Variants in NUP35 observed in about 807,000 individuals in gnomAD.
NUP35 encodes nucleoporin NUP35.
Under a neutral mutation model 41.5 loss-of-function variants are expected in NUP35, and 25 were observed. That is an observed-to-expected ratio of 0.60 (90% CI 0.44 to 0.84). The LOEUF is 0.84. NUP35 is among the 40% of genes least tolerant of loss of function. The pLI, the probability that NUP35 is intolerant of heterozygous loss-of-function variation, is 0.00. For missense variants in NUP35, 396 were observed against 396.6 expected (o/e 1.00, Z 0.01); for synonymous variants, 149 against 130.7 (o/e 1.14, Z -0.96).
chr2:183,129,127 A>G (rs940778908), intron 2 of NUP35, among the ~76,000 whole-genome samples: 9 of 152,246 alleles, frequency 5.9e-5, no homozygotes, highest in African/African-American at 2.2e-4. Context: ...ATAATCGGTC[A>G]AAAGAAGTGT....
At position 183,151,566 on chromosome 2, in the gene NUP35, T is replaced by G; in HGVS notation, c.456T>G (p.Pro152=). 2 of 1,613,440 alleles carry G rather than the reference T, an allele frequency of 1.2e-6. No individual in the cohort carries two copies. Among genetic ancestry groups the G allele is most frequent in the Non-Finnish European group, 1.7e-6 (2 of 1,179,324 alleles). The part of the protein sequence containing the change: ...IGQPRKTTLS[P]AQLDPFYTQG... ...AGCCACGAAAGACGACATTATCTCC[T>G]GCCCAGTTGGATCCTTTTTATACTC... is the stretch of plus-strand genomic sequence containing the variant. Residue 152 remains proline, a synonymous_variant, in exon 5 of 9, where the codon CCT becomes CCG. Transcript: ENST00000295119.
chr2:183,126,099 C>T (rs1043033578), intron 1 of NUP35, among the ~76,000 whole-genome samples: 1 of 152,086 alleles, frequency 6.6e-6, no homozygotes, highest in Non-Finnish European at 1.5e-5. Flanking sequence ...TGCAGTCGTG[C>T]AGTCTCAGCT....
chr2:183,136,112 A>G (rs1337206057), intron 4 of NUP35, among the ~76,000 whole-genome samples: 2 of 152,208 alleles, frequency 1.3e-5, no homozygotes, highest in Non-Finnish European at 2.9e-5. Flanking sequence ...AAGGAAACTT[A>G]GTCATTTTCT....
chr2:183,120,580 T>A (rs1159680565), upstream of NUP35, among the ~76,000 whole-genome samples: 1 of 152,138 alleles, frequency 6.6e-6, no homozygotes, highest in East Asian at 1.9e-4. Context: ...TCTCAATGTT[T>A]GATGGTAGAG....
At chr2:183,135,533 G>C (rs1287106990) in intron 4 of NUP35, among the ~76,000 whole-genome samples, 1 of 152,164 alleles carries the variant, frequency 6.6e-6, no homozygotes, top group African/African-American at 2.4e-5. Context: ...TGAGACTGTT[G>C]CTGGGTTCAA....
Position 183,151,512 on chromosome 2 carries a change from A to G in NUP35, c.402A>G (p.Gln134=), listed in dbSNP as rs1265542841. The part of the protein sequence containing the change: ...VGVTSTPGTG[Q]SMFSPASIGQ... ...TTGCTAAATATACTAATATAGGGCA[A>G]AGTATGTTTAGTCCAGCAAGTATCG... is the stretch of plus-strand genomic sequence containing the variant. Residue 134 remains glutamine (Q), a synonymous_variant, in exon 5 of 9, where the codon CAA becomes CAG. Transcript: ENST00000295119. 1 of 1,613,740 alleles carries G rather than the reference A, an allele frequency of 6.2e-7. No homozygotes were observed. Among genetic ancestry groups the G allele is most frequent in the Admixed American group, 1.7e-5 (1 of 59,960 alleles).
intron 4 of NUP35, among the ~76,000 whole-genome samples, chr2:183,137,551 A>G (rs941303062): frequency 6.6e-6 from 1 of 152,214 alleles, no homozygotes; most frequent in East Asian, 1.9e-4. Context: ...ACACCACTGC[A>G]TTCCAACCTG....
chr2:183,158,243 A>T, intron 6 of NUP35, 40 bp from the exon 7 acceptor site: 2 of 1,329,818 alleles, frequency 1.5e-6, no homozygotes, highest in South Asian at 1.8e-5. Context: ...TGTAGATTTT[A>T]TATATTTTCT....
intron 1 of NUP35, chr2:183,118,459 A>T (rs906863933): frequency 1.3e-5 from 2 of 152,246 alleles, no homozygotes; most frequent in African/African-American, 2.4e-5. Context: ...ACTTAATATA[A>T]CTAATGTGCA....
upstream of NUP35, among the ~76,000 whole-genome samples, chr2:183,122,624 A>G (rs911897992): frequency 5.9e-5 from 9 of 152,198 alleles, no homozygotes; most frequent in African/African-American, 2.2e-4. Flanking sequence ...CTAGATCATA[A>G]TTTGTATAGA....
At chr2:183,138,262 TATATATA>T (rs1257082474) in intron 4 of NUP35, among the ~76,000 whole-genome samples, 3 of 49,082 alleles carry the variant, frequency 6.1e-5, no homozygotes, top group African/African-American at 3.2e-4. Context: ...TATATATATA[TATATATA>T]TTTTTTTTTT....
chr2:183,161,091 G>GTCT lies in NUP35; in HGVS notation c.943_945dup (p.Leu315dup), dbSNP rs749469040. Reference sequence around the variant, plus strand: ...AGACAAACGCCAAAAAAAGATGAAAGTCTTGTATCCAAAGCAATGGAGTAC... The same window carrying GTCT: ...AGACAAACGCCAAAAAAAGATGAAAGTCTTCTTGTATCCAAAGCAATGGAGTAC... On this transcript the variant is annotated inframe_insertion, in exon 9 of 9. Transcript: ENST00000295119. 3.7e-5 allele frequency: 60 copies of GTCT among 1,613,226 alleles called. No individual in the cohort carries two copies. Among genetic ancestry groups the GTCT allele is most frequent in the Non-Finnish European group, 5.9e-6 (7 of 1,179,564 alleles).
At chr2:183,124,429 T>C, upstream of NUP35, 1 of 1,614,082 alleles carries the variant, frequency 6.2e-7, no homozygotes, top group Non-Finnish European at 8.5e-7. Context: ...ATTGGGAAGG[T>C]ACTGGTTTTA....
Position 183,151,568 on chromosome 2 carries a change from C to A in NUP35, c.458C>A (p.Ala153Asp). The A allele has an allele frequency of 6.2e-7, 1 of 1,613,816 alleles. No homozygotes were observed. Among genetic ancestry groups the A allele is most frequent in the Non-Finnish European group, 8.5e-7 (1 of 1,179,698 alleles). The change falls in exon 5 of 9, where the codon GCC becomes GAC. Residue 153 changes from alanine (A) to aspartate (D), a missense_variant. Ala to Asp is a moderately radical substitution (Grantham distance 126, BLOSUM62 -2). Coordinates refer to ENST00000295119, the MANE Select transcript of NUP35 (RefSeq NM_138285.5). Reference sequence around the variant, plus strand: ...CCACGAAAGACGACATTATCTCCTGCCCAGTTGGATCCTTTTTATACTCAA... The same window carrying A: ...CCACGAAAGACGACATTATCTCCTGACCAGTTGGATCCTTTTTATACTCAA... Reference protein sequence around the residue: ...GQPRKTTLSPAQLDPFYTQGD... With the variant: ...GQPRKTTLSPDQLDPFYTQGD...
chr2:183,156,325 C>A (rs1685664166), intron 5 of NUP35, among the ~76,000 whole-genome samples: 1 of 152,024 alleles, frequency 6.6e-6, no homozygotes. Flanking sequence ...ATATTTTACT[C>A]ATATAGATTT....
Position 183,157,476 on chromosome 2 carries a change from T to A in NUP35, c.572T>A (p.Leu191Gln). ...CAAGCATCTGCTTCCTACATATTAC[T>A]ACAATTTGCACAGTATGGGAATATC... The part of the protein sequence containing the change: ...FPQASASYIL[L>Q]QFAQYGNILK... The change falls in exon 6 of 9, where the codon CTA becomes CAA. Residue 191 changes from leucine (L) to glutamine (Q), a missense_variant. Transcript: ENST00000295119. 1.9e-6 allele frequency: 3 copies of A among 1,613,142 alleles called. No homozygotes were observed. The highest frequency in any genetic ancestry group is 2.5e-6 in the Non-Finnish European group (3 of 1,179,202).
upstream of NUP35, among the ~76,000 whole-genome samples, chr2:183,120,839 T>C (rs1575107649): frequency 5.3e-5 from 8 of 152,286 alleles, 1 homozygote; most frequent in Admixed American, 5.2e-4. Flanking sequence ...AAGATGAGCT[T>C]GCTTTTGAGG....
At chr2:183,124,843 G>C (rs1684384598) in intron 1 of NUP35, among the ~76,000 whole-genome samples, 3 of 152,088 alleles carry the variant, frequency 2.0e-5, no homozygotes, top group Admixed American at 1.3e-4. Context: ...TGGATTCCCA[G>C]CTGGTTGCTG....
At chr2:183,134,571 A>G (rs926206621) in intron 4 of NUP35, among the ~76,000 whole-genome samples, 1 of 151,612 alleles carries the variant, frequency 6.6e-6, no homozygotes, top group Non-Finnish European at 1.5e-5. Flanking sequence ...AAATCTAGAC[A>G]TTGGTAGGGC....
Sources: gnomAD v4.1 joint callset for allele counts (sites outside exome capture counted in the v4.1 genomes callset) on GRCh38, gnomAD v4.1.1 for gene constraint, MANE v1.5 for transcripts, NCBI Gene and HGNC (gene_info 2026-07-23, HGNC 2026-07-21) for gene names.